Variants in CADPS observed in about 807,000 individuals in gnomAD.
The protein encoded by CADPS is calcium-dependent secretion activator 1.
A neutral mutation model predicts 167.3 loss-of-function variants in CADPS; 57 were observed. The ratio of observed to expected loss-of-function variants is 0.34; its 90% CI spans 0.28 to 0.42. The LOEUF is 0.42. Ranked by LOEUF, CADPS falls within the 20% of genes least tolerant of loss-of-function variation. The pLI is 1.00. For missense variants in CADPS, 1,414 were observed against 1,738.1 expected, an observed-to-expected ratio of 0.81 and a Z score of 3.32; for synonymous variants, 676 against 635.3, an observed-to-expected ratio of 1.06 and a Z score of -0.96.
Position 62,478,500 on chromosome 3 carries a change from G to C in CADPS, c.3174-84C>G. 2 of 1,310,518 alleles carry C rather than the reference G, an allele frequency of 1.5e-6. No individual in the cohort carries two copies. The highest frequency in any genetic ancestry group is 2.9e-5 in the African/African-American group (2 of 67,882). The allele number at this position is 1,310,518 out of a possible 1,614,324, so 81.2% of individuals were successfully genotyped here. Reference sequence around the variant, plus strand: ...CTAACACAGAGACAACTGGGGGCTAGAAGGCAAACAGCAGCTTCAACATAC... The same window carrying C: ...CTAACACAGAGACAACTGGGGGCTACAAGGCAAACAGCAGCTTCAACATAC... On this transcript the variant is annotated intron_variant, in intron 22 of 29. Coordinates refer to ENST00000383710, the MANE Select transcript of CADPS (RefSeq NM_003716.4). This position sits in a 1 kb window ranked among gnomAD's most constrained non-coding sequence, Gnocchi z 5.7.
rs773973483 is a variant in CADPS at position 62,607,415 on chromosome 3, C to T, written c.1326-14667G>A. Among the ~76,000 whole-genome samples the T allele has an allele frequency of 1.1e-4, 17 of 152,308 alleles. 1 individual carries two copies. The highest frequency in any genetic ancestry group is 6.8e-3 in the Middle Eastern group (2 of 294). On this transcript the variant is annotated intron_variant, in intron 6 of 29. Coordinates refer to ENST00000383710, the MANE Select transcript of CADPS (RefSeq NM_003716.4). ...CAGCCAATGTCTCTCAAATCACGAACGCTCAAGTGCTCCCAGGAAAAGCCC... is the reference window on the plus strand; with the variant it reads ...CAGCCAATGTCTCTCAAATCACGAATGCTCAAGTGCTCCCAGGAAAAGCCC...
At chr3:62,776,376 C>G (rs921270984) in intron 1 of CADPS, among the ~76,000 whole-genome samples, 1 of 152,110 alleles carries the variant, frequency 6.6e-6, no homozygotes, top group Non-Finnish European at 1.5e-5. Flanking sequence ...CAGAATTGGC[C>G]GGGCACGGTG....
At chr3:62,622,612 G>A (rs749350051) in intron 6 of CADPS, among the ~76,000 whole-genome samples, 1 of 152,110 alleles carries the variant, frequency 6.6e-6, no homozygotes, top group African/African-American at 2.4e-5. Flanking sequence ...AGGGATCCTG[G>A]TTCCTTCTTT....
intron 7 of CADPS, 60 bp from the exon 8 acceptor site, chr3:62,585,384 T>A: frequency 6.4e-7 from 1 of 1,552,390 alleles, no homozygotes; most frequent in South Asian, 1.2e-5. Context: ...TTTTATAGAT[T>A]AGAAACTTTG....
intron 1 of CADPS, among the ~76,000 whole-genome samples, chr3:62,803,997 A>G (rs73108372): frequency 0.18 from 26,849 of 151,880 alleles, 2,790 homozygotes; most frequent in Middle Eastern, 0.3. Context: ...TGGAAACGTC[A>G]TTACCTCAAA....
At position 62,421,483 on chromosome 3, in the gene CADPS, G is replaced by C. The variant is rs1433726404; in HGVS notation, c.3777+16621C>G. Among the ~76,000 whole-genome samples the C allele has an allele frequency of 6.6e-6, 1 of 152,180 alleles. No individual in the cohort carries two copies. Among genetic ancestry groups the C allele is most frequent in the South Asian group, 2.1e-4 (1 of 4,834 alleles). ...CGGAACTGCGCCGTGCAGCTTATCC[G>C]CATGCACCCACAGCAGCTGTCACTT... On this transcript the variant is annotated intron_variant, in intron 28 of 29. Coordinates refer to ENST00000383710, the MANE Select transcript of CADPS (RefSeq NM_003716.4). The surrounding 1 kb of genome is among the most constrained non-coding windows in gnomAD (Gnocchi z 4.7).
chr3:62,423,085 T>A (rs2051811813), intron 28 of CADPS, among the ~76,000 whole-genome samples: 1 of 152,064 alleles, frequency 6.6e-6, no homozygotes, highest in Non-Finnish European at 1.5e-5. Flanking sequence ...TAGGTAGAAG[T>A]GGATTTTGAA....
At chr3:62,426,897 C>A (rs2052824203) in intron 28 of CADPS, among the ~76,000 whole-genome samples, 1 of 135,190 alleles carries the variant, frequency 7.4e-6, no homozygotes, top group Non-Finnish European at 1.6e-5. Flanking sequence ...GAAACCCTGT[C>A]TCTACTAAAA....
At chr3:62,534,819 T>C (rs969723569) in intron 12 of CADPS, among the ~76,000 whole-genome samples, 1 of 152,168 alleles carries the variant, frequency 6.6e-6, no homozygotes, top group African/African-American at 2.4e-5. Flanking sequence ...ATGACTAATA[T>C]ACACAGGTAT....
chr3:62,653,217 T>C (rs1351002147), intron 4 of CADPS, among the ~76,000 whole-genome samples: 2 of 152,122 alleles, frequency 1.3e-5, no homozygotes, highest in African/African-American at 2.4e-5. Context: ...CTCAATGTTA[T>C]GGTATTTGAA....
At chr3:62,432,389 C>T (rs2054163912) in intron 28 of CADPS, among the ~76,000 whole-genome samples, 2 of 152,100 alleles carry the variant, frequency 1.3e-5, no homozygotes, top group South Asian at 2.1e-4. Flanking sequence ...TACTTCAAAG[C>T]CCCACTCCTG....
intron 3 of CADPS, among the ~76,000 whole-genome samples, chr3:62,662,742 C>G (rs575667320): frequency 6.6e-6 from 1 of 152,086 alleles, no homozygotes; most frequent in Non-Finnish European, 1.5e-5. Context: ...AGGAAGGAGA[C>G]GGCAATATAA....
At chr3:62,813,938 AAATG>A (rs940078103) in intron 1 of CADPS, among the ~76,000 whole-genome samples, 5 of 152,156 alleles carry the variant, frequency 3.3e-5, no homozygotes, top group African/African-American at 1.2e-4. Context: ...TTGAACGAAC[AAATG>A]AATGAATGAA....
At chr3:62,762,872 A>G (rs941671466) in intron 2 of CADPS, among the ~76,000 whole-genome samples, 2 of 152,234 alleles carry the variant, frequency 1.3e-5, no homozygotes, top group South Asian at 2.1e-4. Context: ...ATCCCAGAAC[A>G]TTTTGAGATT....
At position 62,832,897 on chromosome 3, in the gene CADPS, G is replaced by T. The variant is rs116664097; in HGVS notation, c.441+41692C>A. On this transcript the variant is annotated intron_variant, in intron 1 of 29. Coordinates refer to ENST00000383710, the MANE Select transcript of CADPS (RefSeq NM_003716.4). ...TCATGCTGGCTACAGATTTGGCTCCGCTTGGATGGAATGAAGAACCCCTCC... is the reference window on the plus strand; with the variant it reads ...TCATGCTGGCTACAGATTTGGCTCCTCTTGGATGGAATGAAGAACCCCTCC... 4.4e-3 allele frequency among the ~76,000 whole-genome samples: 670 copies of T among 152,248 alleles called. 6 individuals carry two copies. Among genetic ancestry groups the T allele is most frequent in the African/African-American group, 0.015 (628 of 41,552 alleles).
chr3:62,661,474 T>C (rs2073190281), intron 4 of CADPS, among the ~76,000 whole-genome samples: 2 of 152,082 alleles, frequency 1.3e-5, no homozygotes, highest in Admixed American at 1.3e-4. Context: ...AGGGAGACAT[T>C]CTCTGTAGTT....
chr3:62,684,407 C>T (rs574562741), intron 3 of CADPS, among the ~76,000 whole-genome samples: 1 of 152,082 alleles, frequency 6.6e-6, no homozygotes, highest in East Asian at 1.9e-4. Flanking sequence ...TTGTGTATTG[C>T]CTACCCCAGC....
chr3:62,538,344 T>C (rs2075112097), intron 11 of CADPS, among the ~76,000 whole-genome samples: 1 of 152,124 alleles, frequency 6.6e-6, no homozygotes, highest in Admixed American at 6.6e-5. Context: ...GTCTTAAACC[T>C]GCTCCAACTG....
chr3:62,453,250 G>A (rs1381693200), intron 26 of CADPS, among the ~76,000 whole-genome samples: 1 of 152,128 alleles, frequency 6.6e-6, no homozygotes, highest in African/African-American at 2.4e-5. Flanking sequence ...CTAGGACAGA[G>A]AGCTGTGTTT....
Sources: gnomAD v4.1 joint callset for allele counts (sites outside exome capture counted in the v4.1 genomes callset) on GRCh38, gnomAD v4.1.1 for gene constraint, Gnocchi (gnomAD v3.1) non-coding constraint, MANE v1.5 for transcripts, NCBI Gene and HGNC (gene_info 2026-07-23, HGNC 2026-07-21) for gene names.